C20orf203: variants seen among roughly 807,000 people sequenced by gnomAD.
The protein encoded by C20orf203 is chromosome 20 open reading frame 203.
Under a neutral mutation model 15.9 loss-of-function variants are expected in C20orf203, and 16 were observed. The ratio of observed to expected loss-of-function variants is 1.01; its 90% CI spans 0.68 to 1.53. C20orf203 has a LOEUF of 1.53. Ranked by LOEUF, C20orf203 falls within the 40% of genes most tolerant of loss-of-function variation. The pLI, the probability that C20orf203 is intolerant of heterozygous loss-of-function variation, is 0.00. For missense variants in C20orf203, 263 were observed against 247.5 expected (o/e 1.06, Z -0.42); for synonymous variants, 98 against 97.2 (o/e 1.01, Z -0.05).
chr20:32,654,393 A>G (rs1982707855), intron 1 of C20orf203, among the ~76,000 whole-genome samples: 1 of 152,238 alleles, frequency 6.6e-6, no homozygotes, highest in Non-Finnish European at 1.5e-5. Context: ...TAAAGACCCA[A>G]TACCATTAAG....
intron 3 of C20orf203, 54 bp from the exon 4 acceptor site, chr20:32,650,935 G>T: frequency 6.9e-7 from 1 of 1,443,194 alleles, no homozygotes; most frequent in Non-Finnish European, 9.1e-7. Context: ...CCTGAGACTC[G>T]CAAGGGGCTT....
chr20:32,641,368 G>A (rs940199974), intron 4 of C20orf203, among the ~76,000 whole-genome samples: 3 of 148,786 alleles, frequency 2.0e-5, no homozygotes, highest in Non-Finnish European at 4.5e-5. Flanking sequence ...GAAAGAAACA[G>A]ACATTCAGGA....
At chr20:32,655,921 G>A (rs955995760) in intron 1 of C20orf203, among the ~76,000 whole-genome samples, 6 of 152,386 alleles carry the variant, frequency 3.9e-5, no homozygotes, top group African/African-American at 1.4e-4. Flanking sequence ...GGTCACGGAG[G>A]TGACTCCCTC....
chr20:32,672,325 C>A (rs1983191379), intron 1 of C20orf203, among the ~76,000 whole-genome samples: 1 of 151,828 alleles, frequency 6.6e-6, no homozygotes, highest in Admixed American at 6.6e-5. Context: ...GGTGACAATG[C>A]AAGACTCTGT....
At chr20:32,670,445 T>G (rs1983136818) in intron 1 of C20orf203, among the ~76,000 whole-genome samples, 2 of 151,438 alleles carry the variant, frequency 1.3e-5, no homozygotes, top group Non-Finnish European at 1.5e-5. Context: ...AGGTGGAGGT[T>G]GCAGTGAGCC....
chr20:32,656,898 A>G (rs560663607), intron 1 of C20orf203: 2 of 151,092 alleles, frequency 1.3e-5, no homozygotes, highest in Admixed American at 1.3e-4. Context: ...TCATAGCAGC[A>G]TTATTCCCCC....
chr20:32,671,399 T>A (rs1983161857), intron 1 of C20orf203, among the ~76,000 whole-genome samples: 1 of 152,144 alleles, frequency 6.6e-6, no homozygotes, highest in African/African-American at 2.4e-5. Context: ...TGAACTTTGA[T>A]GACTTTATGC....
intron 4 of C20orf203, among the ~76,000 whole-genome samples, chr20:32,641,585 G>A (rs77132531): frequency 6.6e-6 from 1 of 152,208 alleles, no homozygotes; most frequent in African/African-American, 2.4e-5. Flanking sequence ...ATTACCATCA[G>A]CGGTGTATGA....
At chr20:32,642,284 C>A (rs1362020208) in intron 4 of C20orf203, among the ~76,000 whole-genome samples, 2 of 152,226 alleles carry the variant, frequency 1.3e-5, no homozygotes, top group Non-Finnish European at 2.9e-5. Flanking sequence ...TCTTGAAGCC[C>A]CCTGCAGACT....
rs551211443 is a variant in C20orf203 at position 32,635,503 on chromosome 20, A to AAAAT, written c.*1300-1237_*1300-1234dup. ...AGAGTGAGATTCCATCTCAGAAAGA[A>AAAAT]AAATAAATAAATAATAATAATCATT... On this transcript the variant is annotated intron_variant, in intron 5 of 5. Transcript: ENST00000608990. 3.3e-5 allele frequency among the ~76,000 whole-genome samples: 5 copies of AAAAT among 151,992 alleles called. No individual in the cohort carries two copies. The East Asian group carries it at 9.7e-4, about 29-fold the overall frequency.
chr20:32,648,769 G>A (rs927600437), intron 4 of C20orf203, among the ~76,000 whole-genome samples: 3 of 151,998 alleles, frequency 2.0e-5, no homozygotes, highest in African/African-American at 7.2e-5. Flanking sequence ...TTTCTTTAGG[G>A]AATAACTTAG....
Position 32,653,523 on chromosome 20 carries a change from T to C in C20orf203, c.-263-1542A>G, listed in dbSNP as rs147443976. On this transcript the variant is annotated intron_variant, in intron 1 of 5. Transcript: ENST00000608990. ...GCAAGGGATGGGGGACTAGGCCTCC[T>C]GCTTGCACACTGCTAGAACTGAGGG... Among the ~76,000 whole-genome samples the C allele has an allele frequency of 4.2e-3, 643 of 152,286 alleles. 3 individuals carry two copies. Among genetic ancestry groups the C allele is most frequent in the Middle Eastern group, 0.01 (3 of 294 alleles).
At chr20:32,646,231 CAG>C (rs1430798707) in intron 4 of C20orf203, among the ~76,000 whole-genome samples, 6 of 138,780 alleles carry the variant, frequency 4.3e-5, no homozygotes, top group African/African-American at 1.6e-4. Context: ...TTTGTTGAGA[CAG>C]AGTCTCGCTC....
intron 4 of C20orf203, among the ~76,000 whole-genome samples, chr20:32,642,641 A>G (rs767941119): frequency 6.6e-6 from 1 of 152,190 alleles, no homozygotes; most frequent in Non-Finnish European, 1.5e-5. Context: ...CAGGGAACCC[A>G]TAAGCCTATC....
intron 1 of C20orf203, among the ~76,000 whole-genome samples, chr20:32,652,322 CAAAAAAAAAAA>C (rs11483593): frequency 3.8e-4 from 7 of 18,234 alleles, no homozygotes; most frequent in Admixed American, 1.8e-3. Flanking sequence ...GACTCCATCT[CAAAAAAAAAAA>C]AAAAAAAAAA....
At chr20:32,635,938 G>T (rs192014226) in intron 5 of C20orf203, among the ~76,000 whole-genome samples, 2 of 152,106 alleles carry the variant, frequency 1.3e-5, no homozygotes, top group Non-Finnish European at 1.5e-5. Context: ...ATGACGTGTC[G>T]TCCTCCCATC....
At position 32,650,834 on chromosome 20, in the gene C20orf203, G is replaced by A. The variant is rs377035827; in HGVS notation, c.183C>T (p.Gly61=). ...AGLTAHLWDL[G]GGAGRRTSKA... ...TTGAGGTCCTCCTTCCCGCCCCACC[G>A]CCAAGGTCCCAGAGGTGGGCAGTGA... The change falls in exon 4 of 6, where the codon GGC becomes GGT. Residue 61 remains glycine, a synonymous_variant. Transcript: ENST00000608990. 4,747 of 1,471,298 alleles carry A rather than the reference G, an allele frequency of 3.2e-3. 22 individuals are homozygous for A. The highest frequency in any genetic ancestry group is 3.7e-3 in the Non-Finnish European group (4,063 of 1,108,922). 91.1% of individuals were successfully genotyped at this position (1,471,298 alleles called of 1,614,324 possible). A position where few individuals can be genotyped will look rare whatever the true frequency, so the allele number is the denominator to read the frequency against.
chr20:32,669,774 G>T (rs924120223), intron 1 of C20orf203, among the ~76,000 whole-genome samples: 2 of 152,102 alleles, frequency 1.3e-5, no homozygotes, highest in African/African-American at 4.8e-5. Context: ...GGCACCAAAA[G>T]CACAGGCAAG....
chr20:32,652,151 A>C (rs966101194), intron 1 of C20orf203, among the ~76,000 whole-genome samples, 170 bp from the exon 2 acceptor site: 1 of 151,974 alleles, frequency 6.6e-6, no homozygotes, highest in Admixed American at 6.6e-5. Context: ...TCTACTAAAA[A>C]TACAAAAATT....
Sources: gnomAD v4.1 joint callset for allele counts (sites outside exome capture counted in the v4.1 genomes callset) on GRCh38, gnomAD v4.1.1 for gene constraint, MANE v1.5 for transcripts, NCBI Gene and HGNC (gene_info 2026-07-23, HGNC 2026-07-21) for gene names.